The following CLIC4 variants were observed in gnomAD, a reference collection of about 807,000 sequenced individuals.
CLIC4 encodes the protein CLIC family member 4, also known as chloride intracellular channel protein 4.
CLIC4 carries 13 observed loss-of-function variants against 24.6 expected under a neutral mutation model. The observed-to-expected ratio is 0.53, with a 90% CI of 0.34 to 0.84. CLIC4 has a LOEUF of 0.84. Ranked by LOEUF, CLIC4 falls within the 40% of genes least tolerant of loss-of-function variation. The pLI, the probability that CLIC4 is intolerant of heterozygous loss-of-function variation, is 0.01. For synonymous variants in CLIC4, 104 were observed against 111.3 expected (o/e 0.93, Z 0.41); for missense variants, 227 against 301.7 (o/e 0.75, Z 1.83).
At chr1:24,822,506 G>A (rs531594704) in intron 3 of CLIC4, among the ~76,000 whole-genome samples, 12 of 151,938 alleles carry the variant, frequency 7.9e-5, no homozygotes, top group African/African-American at 2.9e-4. Context: ...GCACCACCAC[G>A]CCTGGCTAAT....
chr1:24,801,069 A>G (rs1407437155), intron 2 of CLIC4, among the ~76,000 whole-genome samples: 2 of 12,512 alleles, frequency 1.6e-4, no homozygotes, highest in Admixed American at 3.3e-3. Context: ...ATAAAAAAAT[A>G]AATTAAAAAA....
chr1:24,805,962 A>C (rs757654491), intron 2 of CLIC4, among the ~76,000 whole-genome samples: 7 of 152,230 alleles, frequency 4.6e-5, no homozygotes, highest in South Asian at 2.1e-4. Context: ...TTCATCTGAA[A>C]GACTACCATG....
intron 4 of CLIC4, among the ~76,000 whole-genome samples, chr1:24,836,691 T>G (rs1191210872): frequency 6.6e-6 from 1 of 151,940 alleles, no homozygotes; most frequent in Non-Finnish European, 1.5e-5. Flanking sequence ...TACAAAAATT[T>G]GACAGGTGCA....
chr1:24,750,412 GTTTCTTTC>G (rs545712230), intron 1 of CLIC4, among the ~76,000 whole-genome samples: 50 of 149,762 alleles, frequency 3.3e-4, no homozygotes, highest in Admixed American at 4.6e-4. Context: ...TGTAATCTGG[GTTTCTTTC>G]TTTCTTTCTT....
At chr1:24,829,146 C>G (rs1319306240) in intron 4 of CLIC4, among the ~76,000 whole-genome samples, 1 of 152,078 alleles carries the variant, frequency 6.6e-6, no homozygotes, top group Non-Finnish European at 1.5e-5. Context: ...ATGAATTTGT[C>G]GTTTTACATG....
In CLIC4 at chr1:24,767,237, C is replaced by G. The variant is rs543711527; in HGVS notation, c.72+21612C>G. 2.0e-5 allele frequency among the ~76,000 whole-genome samples: 3 copies of G among 152,110 alleles called. No individual in the cohort carries two copies. In the East Asian group the frequency reaches 5.8e-4, roughly 30 times the overall value. On this transcript the variant is annotated intron_variant, in intron 1 of 5. Coordinates refer to ENST00000374379, the MANE Select transcript of CLIC4 (RefSeq NM_013943.3). ...GCCTGTGTTTGAATCCTAGTTCTACCCTTCACTAGTTGCCTTGGTGTCCCC... is the reference window on the plus strand; with the variant it reads ...GCCTGTGTTTGAATCCTAGTTCTACGCTTCACTAGTTGCCTTGGTGTCCCC...
chr1:24,836,188 T>G (rs1639883613), intron 4 of CLIC4, among the ~76,000 whole-genome samples: 3 of 152,308 alleles, frequency 2.0e-5, no homozygotes, highest in African/African-American at 7.2e-5. Context: ...ATTCTAAACT[T>G]ATCTTACCAA....
At chr1:24,757,445 A>G (rs1024625308) in intron 1 of CLIC4, among the ~76,000 whole-genome samples, 2 of 152,188 alleles carry the variant, frequency 1.3e-5, no homozygotes, top group African/African-American at 4.8e-5. Flanking sequence ...ATATTCATTA[A>G]AAACTAAAGA....
intron 1 of CLIC4, among the ~76,000 whole-genome samples, chr1:24,786,527 GC>G (rs1639269242): frequency 6.6e-6 from 1 of 152,190 alleles, no homozygotes; most frequent in South Asian, 2.1e-4. Context: ...CCAAATGAAT[GC>G]TAAGACTCTA....
chr1:24,783,876 C>T (rs977944271), intron 1 of CLIC4, among the ~76,000 whole-genome samples: 9 of 152,126 alleles, frequency 5.9e-5, no homozygotes, highest in Admixed American at 2.6e-4. Flanking sequence ...AGGGAATAGA[C>T]TGTTATTTAC....
At chr1:24,791,270 C>T (rs997524196) in intron 1 of CLIC4, among the ~76,000 whole-genome samples, 1 of 152,098 alleles carries the variant, frequency 6.6e-6, no homozygotes, top group Non-Finnish European at 1.5e-5. Context: ...TATCCTGGCT[C>T]CCAGTGTAGG....
At chr1:24,807,876 A>G (rs1639569563) in intron 2 of CLIC4, among the ~76,000 whole-genome samples, 1 of 152,136 alleles carries the variant, frequency 6.6e-6, no homozygotes, top group African/African-American at 2.4e-5. Flanking sequence ...GTTAATGGAT[A>G]TGTTTTATGA....
At chr1:24,808,318 C>T (rs1043547100) in intron 2 of CLIC4, among the ~76,000 whole-genome samples, 13 of 152,088 alleles carry the variant, frequency 8.5e-5, no homozygotes, top group African/African-American at 2.7e-4. Context: ...CACAGATGCT[C>T]AAGTTTCTTA....
At chr1:24,768,372 T>C (rs897021703) in intron 1 of CLIC4, among the ~76,000 whole-genome samples, 1 of 152,268 alleles carries the variant, frequency 6.6e-6, no homozygotes. Flanking sequence ...TATCTAATGC[T>C]TTCTTTAAAG....
chr1:24,835,813 A>T (rs560838522), intron 4 of CLIC4, among the ~76,000 whole-genome samples: 1 of 152,214 alleles, frequency 6.6e-6, no homozygotes, highest in Non-Finnish European at 1.5e-5. Flanking sequence ...GAGAGAAGAA[A>T]AGAACACAGA....
At chr1:24,812,226 C>CTTT (rs1410367145) in intron 2 of CLIC4, among the ~76,000 whole-genome samples, 1 of 152,092 alleles carries the variant, frequency 6.6e-6, no homozygotes, top group African/African-American at 2.4e-5. Context: ...TCACTCAGTA[C>CTTT]TTTGTCCATT....
At chr1:24,758,456 C>T (rs1168022922) in intron 1 of CLIC4, among the ~76,000 whole-genome samples, 1 of 151,652 alleles carries the variant, frequency 6.6e-6, no homozygotes, top group African/African-American at 2.4e-5. Flanking sequence ...CCACCACACC[C>T]AGATAATTTT....
intron 1 of CLIC4, among the ~76,000 whole-genome samples, chr1:24,751,312 C>T (rs1213043066): frequency 2.0e-5 from 3 of 149,344 alleles, no homozygotes; most frequent in Admixed American, 1.4e-4. Context: ...CGAGTTCAAG[C>T]GATTCTCCTG....
intron 1 of CLIC4, among the ~76,000 whole-genome samples, chr1:24,787,638 G>GT (rs1235359573): frequency 6.6e-6 from 1 of 150,862 alleles, no homozygotes. Flanking sequence ...CCGTGTTCAC[G>GT]CATTCTCCTG....
Sources: gnomAD v4.1 joint callset for allele counts (sites outside exome capture counted in the v4.1 genomes callset) on GRCh38, gnomAD v4.1.1 for gene constraint, MANE v1.5 for transcripts, NCBI Gene and HGNC (gene_info 2026-07-23, HGNC 2026-07-21) for gene names.